The following GABRB1 variants were observed in gnomAD, a reference collection of about 807,000 sequenced individuals.
GABRB1 encodes gamma-aminobutyric acid receptor subunit beta-1.
GABRB1 carries 17 observed loss-of-function variants against 51.6 expected under a neutral mutation model. The observed-to-expected ratio is 0.33, with a 90% CI of 0.23 to 0.49. The LOEUF is 0.49. GABRB1 is among the 20% of genes least tolerant of loss of function. GABRB1 has a pLI of 0.99. For synonymous variants in GABRB1, 247 were observed against 218.9 expected (o/e 1.13, Z -1.14); for missense variants, 410 against 600.6 (o/e 0.68, Z 3.32).
At chr4:47,195,359 C>T (rs77339414) in intron 4 of GABRB1, among the ~76,000 whole-genome samples, 13,188 of 144,496 alleles carry the variant, frequency 0.091, 744 homozygotes, top group East Asian at 0.3. Context: ...GAGGGAGACT[C>T]CGTCTCAAAA....
At position 47,236,095 on chromosome 4, in the gene GABRB1, A is replaced by G. The variant is rs947769359; in HGVS notation, c.461+74626A>G. Among the ~76,000 whole-genome samples, 20 of 152,182 alleles carry G rather than the reference A, an allele frequency of 1.3e-4. 1 individual carries two copies. Among genetic ancestry groups the G allele is most frequent in the Non-Finnish European group, 2.8e-4 (19 of 68,016 alleles). On this transcript the variant is annotated intron_variant, in intron 4 of 8. Transcript: ENST00000295454. ...GTTTCAGATGTAGTCTGACAAGCAC[A>G]GATGACAGTATATCTTTTAGCTTCC...
chr4:47,297,514 T>C (rs1182805559), intron 4 of GABRB1, among the ~76,000 whole-genome samples: 2 of 151,696 alleles, frequency 1.3e-5, no homozygotes, highest in Non-Finnish European at 1.5e-5. Context: ...CTAGAAGAAA[T>C]AGATAAATTC....
At chr4:47,148,311 T>G (rs1717268152) in intron 3 of GABRB1, among the ~76,000 whole-genome samples, 1 of 151,986 alleles carries the variant, frequency 6.6e-6, no homozygotes, top group South Asian at 2.1e-4. Flanking sequence ...CCAGAGATAG[T>G]TCCTTTATTT....
chr4:47,004,484 T>C (rs1724327810), intron 1 of GABRB1, among the ~76,000 whole-genome samples: 1 of 152,120 alleles, frequency 6.6e-6, no homozygotes. Flanking sequence ...ATGGGAGACA[T>C]GAGATATTTT....
chr4:47,118,307 A>T (rs985297236), intron 3 of GABRB1, among the ~76,000 whole-genome samples: 21 of 152,178 alleles, frequency 1.4e-4, no homozygotes, highest in Admixed American at 6.5e-4. Flanking sequence ...TTCAGTGAGT[A>T]TAACTAAAGA....
intron 4 of GABRB1, among the ~76,000 whole-genome samples, chr4:47,170,276 AC>A (rs869223156): frequency 2.7e-5 from 1 of 36,672 alleles, no homozygotes; most frequent in African/African-American, 1.3e-4. Flanking sequence ...TAAAAGAAAG[AC>A]GAGTTTTTCA....
intron 3 of GABRB1, among the ~76,000 whole-genome samples, chr4:47,147,877 G>C (rs1717243008): frequency 6.6e-6 from 1 of 152,090 alleles, no homozygotes; most frequent in Admixed American, 6.6e-5. Flanking sequence ...ATAAGATAGA[G>C]ACAGAGGAAG....
At chr4:47,234,484 T>C (rs1204224702) in intron 4 of GABRB1, among the ~76,000 whole-genome samples, 1 of 140,774 alleles carries the variant, frequency 7.1e-6, no homozygotes, top group African/African-American at 2.8e-5. Context: ...CAAAACTCCG[T>C]CTCAAAAAAA....
chr4:47,037,712 C>T (rs1019320156), intron 3 of GABRB1, among the ~76,000 whole-genome samples: 6 of 152,054 alleles, frequency 3.9e-5, no homozygotes, highest in Non-Finnish European at 7.4e-5. Flanking sequence ...ACTTACTGAA[C>T]ATTTTCCATA....
intron 5 of GABRB1, among the ~76,000 whole-genome samples, chr4:47,387,190 C>T (rs1727826794): frequency 6.6e-6 from 1 of 152,172 alleles, no homozygotes; most frequent in Admixed American, 6.5e-5. Flanking sequence ...ATAGCCCAGG[C>T]ACAGTGACTC....
chr4:47,356,303 T>C (rs1406310156), intron 5 of GABRB1, among the ~76,000 whole-genome samples: 2 of 152,156 alleles, frequency 1.3e-5, no homozygotes, highest in African/African-American at 4.8e-5. Flanking sequence ...TAGACATATA[T>C]TGTTCATTAA....
chr4:47,043,689 G>C (rs1210459433), intron 3 of GABRB1, among the ~76,000 whole-genome samples: 5 of 152,002 alleles, frequency 3.3e-5, no homozygotes, highest in Non-Finnish European at 7.4e-5. Context: ...ATTTCACTGA[G>C]TGGAGCTTAG....
chr4:47,242,908 A>T (rs1721585598), intron 4 of GABRB1, among the ~76,000 whole-genome samples: 1 of 152,126 alleles, frequency 6.6e-6, no homozygotes, highest in Non-Finnish European at 1.5e-5. Context: ...CCATTTGTCA[A>T]TTTCGGCTTT....
chr4:47,372,761 C>A (rs1451649927), intron 5 of GABRB1, among the ~76,000 whole-genome samples: 1 of 152,186 alleles, frequency 6.6e-6, no homozygotes, highest in East Asian at 1.9e-4. Flanking sequence ...AAGATGTTCT[C>A]TGTATGGCAG....
intron 5 of GABRB1, among the ~76,000 whole-genome samples, chr4:47,386,043 T>C (rs1374460641): frequency 6.6e-6 from 1 of 152,166 alleles, no homozygotes; most frequent in Admixed American, 6.5e-5. Flanking sequence ...CTTTGAACAT[T>C]AGTGGGTTTT....
At chr4:47,251,325 C>G (rs1247934237) in intron 4 of GABRB1, among the ~76,000 whole-genome samples, 1 of 152,134 alleles carries the variant, frequency 6.6e-6, no homozygotes, top group South Asian at 2.1e-4. Flanking sequence ...GTCATAGATA[C>G]CAGCAACTGT....
At chr4:47,091,995 GAT>G (rs1728315554) in intron 3 of GABRB1, among the ~76,000 whole-genome samples, 1 of 151,952 alleles carries the variant, frequency 6.6e-6, no homozygotes, top group Non-Finnish European at 1.5e-5. Flanking sequence ...TACTTCCCAT[GAT>G]CACAGACTGG....
intron 5 of GABRB1, among the ~76,000 whole-genome samples, chr4:47,366,002 C>A (rs555222058): frequency 4.3e-4 from 66 of 152,252 alleles, no homozygotes; most frequent in Middle Eastern, 3.4e-3. Context: ...ATTGAGTGTG[C>A]CATCTGTTTC....
At chr4:47,076,632 C>A (rs757209992) in intron 3 of GABRB1, among the ~76,000 whole-genome samples, 6 of 150,766 alleles carry the variant, frequency 4.0e-5, no homozygotes, top group African/African-American at 1.0e-4. Flanking sequence ...TGACAGCCAG[C>A]AGCCGATTAC....
Sources: allele counts gnomAD v4.1 joint callset (sites outside exome capture counted in the v4.1 genomes callset), GRCh38; gene constraint gnomAD v4.1.1; transcripts MANE v1.5; gene names NCBI Gene and HGNC (gene_info 2026-07-23, HGNC 2026-07-21).